NEK11: variants seen among roughly 807,000 people sequenced by gnomAD.
NEK11 encodes the protein NIMA related kinase 11.
A neutral mutation model predicts 80.7 loss-of-function variants in NEK11; 72 were observed. The ratio of observed to expected loss-of-function variants is 0.89; its 90% CI spans 0.74 to 1.08. The LOEUF (loss-of-function observed/expected upper bound fraction) is 1.08, where lower values mean the gene tolerates loss of function less well. Among genes scored for constraint, NEK11 ranks in the 50% least tolerant of loss-of-function variants. The pLI is 0.00. For synonymous variants in NEK11, 251 were observed against 260.7 expected, an observed-to-expected ratio of 0.96 and a Z score of 0.36; for missense variants, 764 against 763.6, an observed-to-expected ratio of 1.00 and a Z score of -0.01.
intron 11 of NEK11, among the ~76,000 whole-genome samples, chr3:131,162,926 G>A (rs2091807475): frequency 6.6e-6 from 1 of 152,212 alleles, no homozygotes. Flanking sequence ...ATAGGAAGGA[G>A]ACTTTATTGG....
At chr3:131,111,428 A>G (rs1256146194) in intron 5 of NEK11, among the ~76,000 whole-genome samples, 1 of 152,176 alleles carries the variant, frequency 6.6e-6, no homozygotes, top group Non-Finnish European at 1.5e-5. Flanking sequence ...TTATGTACAG[A>G]GAAATTACAA....
intron 16 of NEK11, among the ~76,000 whole-genome samples, chr3:131,267,767 G>A (rs1469845836): frequency 3.3e-5 from 5 of 152,046 alleles, no homozygotes; most frequent in East Asian, 1.9e-4. Context: ...TGCTCTTCTC[G>A]AGGAGTATCT....
chr3:131,105,616 T>C (rs956668606), intron 4 of NEK11, among the ~76,000 whole-genome samples: 2 of 151,786 alleles, frequency 1.3e-5, no homozygotes, highest in South Asian at 4.2e-4. Flanking sequence ...CAGGATGGAG[T>C]GAGTGCAAGC....
At chr3:131,302,188 T>C (rs1277436343) in intron 17 of NEK11, among the ~76,000 whole-genome samples, 1 of 152,126 alleles carries the variant, frequency 6.6e-6, no homozygotes, top group Non-Finnish European at 1.5e-5. Context: ...TTTATTTCTA[T>C]AGGGTTGGTG....
intron 3 of NEK11, among the ~76,000 whole-genome samples, chr3:131,062,032 A>G (rs983294997): frequency 2.0e-5 from 3 of 152,254 alleles, no homozygotes; most frequent in Admixed American, 2.0e-4. Flanking sequence ...AACAGTAGGC[A>G]CCAAAGAGCA....
At chr3:131,274,799 G>A (rs1481198969) in intron 17 of NEK11, among the ~76,000 whole-genome samples, 7 of 151,284 alleles carry the variant, frequency 4.6e-5, no homozygotes, top group Admixed American at 2.0e-4. Flanking sequence ...GACTACAGGC[G>A]CCTGCCACCG....
rs189645592 is a variant in NEK11 at position 131,075,018 on chromosome 3, C to T, written c.171-5405C>T. On this transcript the variant is annotated intron_variant, in intron 3 of 17. Transcript: ENST00000383366. ...GTAACAGAAGCGTGAGATTTCCTGT[C>T]TCAAAGTCTTTGGCAGTTTGTTCCT... 9.1e-4 allele frequency among the ~76,000 whole-genome samples: 139 copies of T among 152,242 alleles called. 1 individual carries two copies. Among genetic ancestry groups the T allele is most frequent in the African/African-American group, 3.3e-3 (135 of 41,536 alleles).
chr3:131,080,516 C>G lies in NEK11; in HGVS notation c.264C>G (p.His88Gln). 2 of 1,614,064 alleles carry G rather than the reference C, an allele frequency of 1.2e-6. No individual in the cohort carries two copies. Among genetic ancestry groups the G allele is most frequent in the Non-Finnish European group, 1.7e-6 (2 of 1,179,978 alleles). ...CCCAACTCCTCTCCAAGCTGGACCA[C>G]CCAGCCATTGTCAAGTTCCATGCAA... ...LEAQLLSKLD[H>Q]PAIVKFHASF... Residue 88 changes from histidine (H) to glutamine (Q), a missense_variant, in exon 4 of 18, where the codon CAC becomes CAG. Transcript: ENST00000383366.
chr3:131,080,501 C>T lies in NEK11; in HGVS notation c.249C>T (p.Leu83=), dbSNP rs753198762. 7 of 1,613,952 alleles carry T rather than the reference C, an allele frequency of 4.3e-6. No homozygotes were observed. The South Asian group carries it at 5.5e-5, about 13-fold the overall frequency. The change falls in exon 4 of 18, where the codon CTC becomes CTT. Residue 83 remains leucine (L), a synonymous_variant. Transcript: ENST00000383366. ...AGGCCAATTTGGAAGCCCAACTCCT[C>T]TCCAAGCTGGACCACCCAGCCATTG... ...TVQANLEAQL[L]SKLDHPAIVK...
At position 131,109,813 on chromosome 3, in the gene NEK11, T is replaced by C. The variant is rs1447351712; in HGVS notation, c.347T>C (p.Leu116Pro). 2 of 1,597,996 alleles carry C rather than the reference T, an allele frequency of 1.3e-6. No individual in the cohort carries two copies. The highest frequency in any genetic ancestry group is 4.5e-5 in the East Asian group (2 of 44,322). ...IITEYCEGRDLDDKIQEYKQA... is the reference protein window; with the variant it reads ...IITEYCEGRDPDDKIQEYKQA... ...TGCTCTTCATTTCAGGGCCGAGATC[T>C]GGACGATAAAATTCAGGAATATAAA... The change falls in exon 5 of 18, where the codon CTG becomes CCG. Residue 116 changes from leucine to proline, a missense_variant. Coordinates refer to ENST00000383366, the MANE Select transcript of NEK11 (RefSeq NM_024800.5).
At chr3:131,271,690 G>A (rs2096188997) in intron 16 of NEK11, among the ~76,000 whole-genome samples, 1 of 152,102 alleles carries the variant, frequency 6.6e-6, no homozygotes, top group African/African-American at 2.4e-5. Context: ...AGCTACTTGG[G>A]AGGCTGAGGC....
intron 7 of NEK11, among the ~76,000 whole-genome samples, chr3:131,149,669 A>G (rs577516989): frequency 2.0e-5 from 3 of 152,070 alleles, no homozygotes; most frequent in Non-Finnish European, 4.4e-5. Context: ...AAACATGTTT[A>G]TAATGTCATC....
At chr3:131,158,445 G>A (rs1481150271) in intron 10 of NEK11, among the ~76,000 whole-genome samples, 1 of 152,108 alleles carries the variant, frequency 6.6e-6, no homozygotes, top group Non-Finnish European at 1.5e-5. Context: ...GAGCCTTGGC[G>A]GGCACAGAGA....
chr3:131,125,098 T>G (rs1252356295), intron 5 of NEK11, among the ~76,000 whole-genome samples: 1 of 152,238 alleles, frequency 6.6e-6, no homozygotes, highest in African/African-American at 2.4e-5. Flanking sequence ...TCTAATCCAC[T>G]AAAGGGTTAA....
intron 15 of NEK11, among the ~76,000 whole-genome samples, chr3:131,229,677 T>C (rs1378790445): frequency 9.2e-5 from 14 of 152,018 alleles, no homozygotes; most frequent in Admixed American, 9.2e-4. Flanking sequence ...TGTCATAATA[T>C]TCAATAAATA....
intron 17 of NEK11, among the ~76,000 whole-genome samples, chr3:131,314,334 T>C (rs2096813770): frequency 6.6e-6 from 1 of 152,188 alleles, no homozygotes. Flanking sequence ...ACCAGGTTGT[T>C]CCACCTGTAG....
intron 5 of NEK11, among the ~76,000 whole-genome samples, chr3:131,120,214 A>G (rs1024610203): frequency 2.6e-5 from 4 of 152,044 alleles, no homozygotes; most frequent in Non-Finnish European, 4.4e-5. Flanking sequence ...TCTGTAAAGG[A>G]TTTTATTTCT....
intron 17 of NEK11, among the ~76,000 whole-genome samples, chr3:131,288,106 AG>A: frequency 6.6e-6 from 1 of 152,324 alleles, no homozygotes; most frequent in Admixed American, 6.5e-5. Flanking sequence ...ATGACATTTA[AG>A]GGGAGAGAGG....
intron 15 of NEK11, among the ~76,000 whole-genome samples, chr3:131,238,298 C>A (rs929041317): frequency 6.6e-6 from 1 of 152,118 alleles, no homozygotes; most frequent in Non-Finnish European, 1.5e-5. Flanking sequence ...ATTGCTTATT[C>A]TTTTATGGCC....
Sources: allele counts gnomAD v4.1 joint callset (sites outside exome capture counted in the v4.1 genomes callset), GRCh38; gene constraint gnomAD v4.1.1; transcripts MANE v1.5; gene names NCBI Gene and HGNC (gene_info 2026-07-23, HGNC 2026-07-21).